GSE1: variants seen among roughly 807,000 people sequenced by gnomAD.
GSE1 encodes the protein Gse1 coiled-coil protein, also known as genetic suppressor element 1.
Under a neutral mutation model 112.6 loss-of-function variants are expected in GSE1, and 32 were observed. The ratio of observed to expected loss-of-function variants is 0.28; its 90% CI spans 0.21 to 0.38. The LOEUF is 0.38. Ranked by LOEUF, GSE1 falls within the 10% of genes least tolerant of loss-of-function variation. The pLI, the probability that GSE1 is intolerant of heterozygous loss-of-function variation, is 1.00. For missense variants in GSE1, 2,348 were observed against 1,699.2 expected (o/e 1.38, Z -6.71); for synonymous variants, 1,115 against 735.6 (o/e 1.52, Z -8.35).
At chr16:85,420,706 C>G (rs182325965) in intron 2 of GSE1, among the ~76,000 whole-genome samples, 3 of 152,362 alleles carry the variant, frequency 2.0e-5, no homozygotes, top group African/African-American at 4.8e-5. Context: ...TCCGTCAGCA[C>G]TCTCAGGGGT....
intron 14 of GSE1, among the ~76,000 whole-genome samples, chr16:85,668,990 G>C (rs1598716235): frequency 6.6e-6 from 1 of 152,220 alleles, no homozygotes; most frequent in Non-Finnish European, 1.5e-5. Context: ...ATCCCACCTG[G>C]GAATGCACAC....
intron 2 of GSE1, among the ~76,000 whole-genome samples, chr16:85,638,044 T>A (rs945140065): frequency 6.6e-6 from 1 of 152,120 alleles, no homozygotes; most frequent in African/African-American, 2.4e-5. Context: ...CTCCTCTGGG[T>A]GCCCTGGGCC....
intron 2 of GSE1, among the ~76,000 whole-genome samples, chr16:85,427,217 C>T (rs1024342640): frequency 6.6e-6 from 1 of 152,184 alleles, no homozygotes; most frequent in African/African-American, 2.4e-5. Flanking sequence ...CTCCAGGGTG[C>T]CTGAGTTCAA....
intron 2 of GSE1, among the ~76,000 whole-genome samples, chr16:85,433,495 G>A (rs569843193): frequency 5.1e-4 from 77 of 152,256 alleles, no homozygotes; most frequent in African/African-American, 1.5e-3. Context: ...TCACTGTAGC[G>A]TCCTGACAAC....
At chr16:85,216,810 A>C (rs2075313243) in intron 1 of GSE1, among the ~76,000 whole-genome samples, 1 of 152,208 alleles carries the variant, frequency 6.6e-6, no homozygotes, top group African/African-American at 2.4e-5. Flanking sequence ...CCCTGGAAAG[A>C]TATAGCACTT....
chr16:85,300,530 T>C (rs2151459744), intron 1 of GSE1, among the ~76,000 whole-genome samples: 2 of 152,356 alleles, frequency 1.3e-5, no homozygotes, highest in East Asian at 3.9e-4. Flanking sequence ...TTCATGTGAA[T>C]GGACTCACAC....
chr16:85,389,591 T>C (rs2047789402), intron 2 of GSE1, among the ~76,000 whole-genome samples: 1 of 152,182 alleles, frequency 6.6e-6, no homozygotes, highest in East Asian at 1.9e-4. Context: ...CCCGTGGCCA[T>C]GTCTCTGCTT....
intron 2 of GSE1, among the ~76,000 whole-genome samples, chr16:85,421,321 C>T (rs765940801): frequency 6.6e-6 from 1 of 152,024 alleles, no homozygotes; most frequent in Non-Finnish European, 1.5e-5. Context: ...GGGCATCCTG[C>T]GGGGGTCCTG....
intron 2 of GSE1, among the ~76,000 whole-genome samples, chr16:85,402,357 G>C (rs778707704): frequency 6.6e-6 from 1 of 152,222 alleles, no homozygotes; most frequent in Non-Finnish European, 1.5e-5. Flanking sequence ...CAGGAAGGGG[G>C]ACTCGAGAGA....
intron 1 of GSE1, among the ~76,000 whole-genome samples, chr16:85,314,120 A>T (rs1458733182): frequency 6.6e-6 from 1 of 152,066 alleles, no homozygotes; most frequent in Admixed American, 6.6e-5. Context: ...TGTGTGTGTG[A>T]CACAGCCTAG....
intron 1 of GSE1, among the ~76,000 whole-genome samples, chr16:85,319,513 C>T (rs539563500): frequency 3.0e-4 from 45 of 152,284 alleles, no homozygotes; most frequent in Middle Eastern, 3.4e-3. Context: ...GATGAGCTCC[C>T]TGTGTGAAGG....
At chr16:85,570,575 TC>T (rs901982937) in intron 1 of GSE1, among the ~76,000 whole-genome samples, 1 of 152,184 alleles carries the variant, frequency 6.6e-6, no homozygotes, top group African/African-American at 2.4e-5. Flanking sequence ...CCCTGTCACC[TC>T]CCAGGTTCTA....
intron 1 of GSE1, chr16:85,185,017 G>A (rs1468108474): frequency 1.3e-5 from 2 of 152,218 alleles, no homozygotes; most frequent in African/African-American, 4.8e-5. Flanking sequence ...TAAGAAAAGA[G>A]TGCTGATTTC....
At chr16:85,551,649 G>A (rs906746316), upstream of GSE1, among the ~76,000 whole-genome samples, 2 of 152,176 alleles carry the variant, frequency 1.3e-5, no homozygotes, top group African/African-American at 2.4e-5. Context: ...CTCCCATAGT[G>A]GGTCTCATAT....
intron 2 of GSE1, among the ~76,000 whole-genome samples, chr16:85,648,270 G>A (rs916479202): frequency 1.3e-4 from 20 of 152,262 alleles, no homozygotes; most frequent in Non-Finnish European, 2.1e-4. Context: ...GGCGGTGGGC[G>A]GCCCTGGGCA....
At chr16:85,493,381 G>A (rs1308505290) in intron 2 of GSE1, among the ~76,000 whole-genome samples, 2 of 152,040 alleles carry the variant, frequency 1.3e-5, no homozygotes. Context: ...AGGAGTTGGA[G>A]GCTGCAGTAA....
chr16:85,500,617 G>A (rs1007203611), intron 2 of GSE1, among the ~76,000 whole-genome samples: 1 of 152,222 alleles, frequency 6.6e-6, no homozygotes, highest in Non-Finnish European at 1.5e-5. Flanking sequence ...GTGTGCCAGG[G>A]CATCGGCCAG....
chr16:85,345,478 T>A (rs539455305), intron 1 of GSE1, among the ~76,000 whole-genome samples: 1 of 152,306 alleles, frequency 6.6e-6, no homozygotes, highest in Admixed American at 6.5e-5. Context: ...TGCTGTTCCT[T>A]GTTCCAGGAA....
chr16:85,552,095 G>T (rs572420448), upstream of GSE1, among the ~76,000 whole-genome samples: 1 of 151,904 alleles, frequency 6.6e-6, no homozygotes, highest in African/African-American at 2.4e-5. Context: ...GTGCGATCTT[G>T]GCTCACTGCA....
Sources: gnomAD v4.1 joint callset for allele counts (sites outside exome capture counted in the v4.1 genomes callset) on GRCh38, gnomAD v4.1.1 for gene constraint, MANE v1.5 for transcripts, NCBI Gene and HGNC (gene_info 2026-07-23, HGNC 2026-07-21) for gene names.